Variants in DNAJC1 observed in about 807,000 individuals in gnomAD.
DNAJC1 encodes DnaJ heat shock protein family (Hsp40) member C1.
DNAJC1 carries 58 observed loss-of-function variants against 76.6 expected under a neutral mutation model. The observed-to-expected ratio is 0.76, with a 90% CI of 0.61 to 0.94. The LOEUF is 0.94. DNAJC1 is among the 40% of genes least tolerant of loss of function. The probability of loss-of-function intolerance (pLI) is 0.00; values close to 1 mark genes in which losing one functional copy is unlikely to be tolerated. For synonymous variants in DNAJC1, 258 were observed against 267.9 expected, an observed-to-expected ratio of 0.96 and a Z score of 0.36; for missense variants, 689 against 677.3, an observed-to-expected ratio of 1.02 and a Z score of -0.19.
chr10:21,899,976 G>A lies in DNAJC1; in HGVS notation c.820+4546C>T, dbSNP rs374958658. Among the ~76,000 whole-genome samples the A allele has an allele frequency of 2.9e-4, 44 of 152,204 alleles. 3 individuals are homozygous for A. Among genetic ancestry groups the A allele is most frequent in the African/African-American group, 9.9e-4 (41 of 41,548 alleles). The stretch of plus-strand genomic sequence containing the variant: ...ATTGGTGAGTGAATGTGAAGACCTC[G>A]GACATTACTGTGTAACATGGTAGAC... On this transcript the variant is annotated intron_variant, in intron 7 of 11. Transcript: ENST00000376980.
At chr10:21,814,746 G>A (rs972449779) in intron 8 of DNAJC1, among the ~76,000 whole-genome samples, 3 of 152,206 alleles carry the variant, frequency 2.0e-5, no homozygotes, top group Non-Finnish European at 4.4e-5. Flanking sequence ...ACGACTTGAA[G>A]AGTATTCAGG....
intron 1 of DNAJC1, among the ~76,000 whole-genome samples, chr10:21,942,311 A>G (rs1183574838): frequency 6.6e-6 from 1 of 152,194 alleles, no homozygotes; most frequent in African/African-American, 2.4e-5. Flanking sequence ...CTTATGTTCT[A>G]AACACTCCAA....
At chr10:21,832,735 C>G (rs938605937) in intron 8 of DNAJC1, among the ~76,000 whole-genome samples, 15 of 152,208 alleles carry the variant, frequency 9.9e-5, no homozygotes, top group Non-Finnish European at 2.9e-5. Flanking sequence ...GGGTCCTTCT[C>G]TTCCCTTTGA....
intron 8 of DNAJC1, among the ~76,000 whole-genome samples, chr10:21,855,661 A>G (rs755455145): frequency 6.6e-6 from 1 of 152,188 alleles, no homozygotes; most frequent in Non-Finnish European, 1.5e-5. Flanking sequence ...AACTAATTAC[A>G]TTTAGAAGCT....
In DNAJC1 at chr10:22,002,479, G is replaced by GA. The variant is rs201371787; in HGVS notation, c.222+733dup. 2.8e-3 allele frequency among the ~76,000 whole-genome samples: 421 copies of GA among 150,606 alleles called. 2 individuals are homozygous for GA. The highest frequency in any genetic ancestry group is 9.5e-3 in the African/African-American group (390 of 40,998). On this transcript the variant is annotated intron_variant, in intron 1 of 11. Coordinates refer to ENST00000376980, the MANE Select transcript of DNAJC1 (RefSeq NM_022365.4). ...ACGAAATGAAACAAAAGGAAAAGGG[G>GA]AAAAAAAAACCCATTCCTACATTAC...
chr10:21,921,064 CCAAAA>C, intron 3 of DNAJC1, 101 bp from the exon 4 acceptor site: 3 of 1,028,774 alleles, frequency 2.9e-6, no homozygotes, highest in Non-Finnish European at 4.1e-6. Context: ...AACAAATTAT[CCAAAA>C]TAGATAATGT....
chr10:21,871,836 T>C (rs1057016532), intron 8 of DNAJC1, among the ~76,000 whole-genome samples: 5 of 151,714 alleles, frequency 3.3e-5, no homozygotes, highest in Admixed American at 1.3e-4. Context: ...GGTTTCACCA[T>C]GTTGGACAGG....
chr10:21,878,777 T>C (rs1392799239), intron 8 of DNAJC1, among the ~76,000 whole-genome samples: 1 of 152,148 alleles, frequency 6.6e-6, no homozygotes, highest in Non-Finnish European at 1.5e-5. Flanking sequence ...TTTACTGAAG[T>C]TGAGCTCTGA....
At chr10:21,803,492 C>G (rs903057549) in intron 9 of DNAJC1, among the ~76,000 whole-genome samples, 1 of 152,004 alleles carries the variant, frequency 6.6e-6, no homozygotes, top group Admixed American at 6.6e-5. Flanking sequence ...AGAAACAATA[C>G]TAGCTGAACC....
chr10:21,832,009 T>G (rs1309295051), intron 8 of DNAJC1, among the ~76,000 whole-genome samples: 2 of 152,090 alleles, frequency 1.3e-5, no homozygotes, highest in African/African-American at 4.8e-5. Flanking sequence ...GAAGAAAATT[T>G]AGAATTGACA....
chr10:21,777,484 A>G (rs1334411031), intron 9 of DNAJC1, among the ~76,000 whole-genome samples: 11 of 152,240 alleles, frequency 7.2e-5, no homozygotes. Flanking sequence ...CACTGCTTGC[A>G]GAATCACTTA....
At chr10:21,895,568 A>C (rs1016645751) in intron 7 of DNAJC1, among the ~76,000 whole-genome samples, 1 of 152,244 alleles carries the variant, frequency 6.6e-6, no homozygotes, top group Non-Finnish European at 1.5e-5. Flanking sequence ...AAAATTTGTA[A>C]TTAAAAGGAA....
chr10:21,858,377 A>G (rs1590018504), intron 8 of DNAJC1, among the ~76,000 whole-genome samples: 2 of 152,360 alleles, frequency 1.3e-5, no homozygotes, highest in African/African-American at 4.8e-5. Flanking sequence ...AAAAGGAAAA[A>G]TAAATAATAA....
At chr10:21,994,663 C>T (rs1199927407) in intron 1 of DNAJC1, among the ~76,000 whole-genome samples, 1 of 151,746 alleles carries the variant, frequency 6.6e-6, no homozygotes, top group Admixed American at 6.6e-5. Context: ...TGGTGGCGGG[C>T]GCCTGTAGTC....
At chr10:21,781,492 C>T (rs1361176911) in intron 9 of DNAJC1, among the ~76,000 whole-genome samples, 4 of 152,082 alleles carry the variant, frequency 2.6e-5, no homozygotes, top group East Asian at 1.9e-4. Context: ...GAGGCAGAGG[C>T]GGGCAGATCA....
chr10:21,973,340 T>C (rs1026847735), intron 1 of DNAJC1, among the ~76,000 whole-genome samples: 12 of 152,322 alleles, frequency 7.9e-5, no homozygotes, highest in African/African-American at 2.6e-4. Flanking sequence ...TGGCCGTCTA[T>C]GAAGAAAGTC....
At chr10:21,842,957 T>C (rs1018061141) in intron 8 of DNAJC1, among the ~76,000 whole-genome samples, 3 of 152,160 alleles carry the variant, frequency 2.0e-5, no homozygotes, top group African/African-American at 7.2e-5. Context: ...ACCTTATACA[T>C]AGTAGTCAAC....
intron 8 of DNAJC1, among the ~76,000 whole-genome samples, chr10:21,874,933 AGCAGTGGT>A (rs1836160266): frequency 1.3e-5 from 2 of 151,960 alleles, no homozygotes; most frequent in African/African-American, 4.8e-5. Context: ...CAGGCTCAAG[AGCAGTGGT>A]GTGATCTTGG....
At chr10:21,899,865 C>A (rs1485842216) in intron 7 of DNAJC1, among the ~76,000 whole-genome samples, 1 of 152,162 alleles carries the variant, frequency 6.6e-6, no homozygotes, top group Non-Finnish European at 1.5e-5. Context: ...GCAGAGGCCA[C>A]CCCTCTGCCT....
Sources: gnomAD v4.1 joint callset for allele counts (sites outside exome capture counted in the v4.1 genomes callset) on GRCh38, gnomAD v4.1.1 for gene constraint, MANE v1.5 for transcripts, NCBI Gene and HGNC (gene_info 2026-07-23, HGNC 2026-07-21) for gene names.